Variants in TPO observed in about 807,000 individuals in gnomAD.
TPO encodes thyroid microsomal antigen.
Under a neutral mutation model 96.9 loss-of-function variants are expected in TPO, and 78 were observed. The ratio of observed to expected loss-of-function variants is 0.81; its 90% CI spans 0.67 to 0.97. The LOEUF is 0.97. Ranked by LOEUF, TPO falls within the 50% of genes least tolerant of loss-of-function variation. The probability of loss-of-function intolerance (pLI) is 0.00; values close to 1 mark genes in which losing one functional copy is unlikely to be tolerated. For missense variants in TPO, 1,252 were observed against 1,274.8 expected (o/e 0.98, Z 0.27); for synonymous variants, 547 against 538.0 (o/e 1.02, Z -0.23).
chr2:1,391,494 G>A (rs538992087), intron 1 of TPO, among the ~76,000 whole-genome samples: 2 of 152,276 alleles, frequency 1.3e-5, no homozygotes, highest in Admixed American at 1.3e-4. Context: ...TTTTGGCAAT[G>A]TGGGCTCTTT....
At chr2:1,399,551 C>T (rs551266886) in intron 1 of TPO, among the ~76,000 whole-genome samples, 11 of 152,276 alleles carry the variant, frequency 7.2e-5, no homozygotes, top group African/African-American at 2.6e-4. Flanking sequence ...GATTTAAAAC[C>T]GATGAGTTGT....
chr2:1,499,712 A>G (rs915192402), intron 13 of TPO, among the ~76,000 whole-genome samples: 2 of 152,176 alleles, frequency 1.3e-5, no homozygotes, highest in Non-Finnish European at 2.9e-5. Context: ...GACTGTGTAT[A>G]TGAAGGTCTG....
intron 8 of TPO, among the ~76,000 whole-genome samples, chr2:1,482,856 AT>A (rs940250158): frequency 1.3e-5 from 2 of 152,008 alleles, no homozygotes; most frequent in African/African-American, 2.4e-5. Context: ...AATTTTTTAA[AT>A]TTTTTTGTAG....
rs1667526239 is a variant in TPO, at chr2:1,453,714, C to A, written c.503C>A (p.Ala168Asp). Reference sequence around the variant, plus strand: ...CACAGAGACCACCCCAGATGGGGCGCCTCCAACACGGCCCTGGCACGATGG... The same window carrying A: ...CACAGAGACCACCCCAGATGGGGCGACTCCAACACGGCCCTGGCACGATGG... ...CNNRDHPRWG[A>D]SNTALARWLP... Residue 168 changes from alanine (A) to aspartate (D), a missense_variant, in exon 6 of 17, where the codon GCC (alanine) becomes GAC (aspartate). Ala to Asp is a moderately radical substitution (Grantham distance 126). Transcript: ENST00000329066. 6.2e-7 allele frequency: 1 copy of A among 1,613,886 alleles called. No homozygotes were observed. Among genetic ancestry groups the A allele is most frequent in the Admixed American group, 1.7e-5 (1 of 60,006 alleles).
chr2:1,525,332 CCTCA>C (rs1305280000), intron 15 of TPO, among the ~76,000 whole-genome samples: 6 of 131,164 alleles, frequency 4.6e-5, no homozygotes, highest in Admixed American at 7.8e-5. Context: ...CCTCAAATCC[CCTCA>C]CTATGTGCAA....
At chr2:1,393,760 A>G (rs1378167295) in intron 1 of TPO, among the ~76,000 whole-genome samples, 1 of 152,254 alleles carries the variant, frequency 6.6e-6, no homozygotes, top group Non-Finnish European at 1.5e-5. Flanking sequence ...ATGCGTGATT[A>G]TTGGAGTACA....
Position 1,542,339 on chromosome 2 carries a change from C to T in TPO, c.2749-82C>T, listed in dbSNP as rs953252216. 14 of 1,574,232 alleles carry T rather than the reference C, an allele frequency of 8.9e-6. No individual in the cohort carries two copies. The South Asian group carries it at 1.5e-4, about 17-fold the overall frequency. ...TGTGAAAAGAGCTCCTGTCCAGGCC[C>T]TTCTGTCTTGTATCAAGTGTGTGCT... On this transcript the variant is annotated intron_variant, in intron 16 of 16. Coordinates refer to ENST00000329066, the MANE Select transcript of TPO (RefSeq NM_001206744.2).
intron 15 of TPO, among the ~76,000 whole-genome samples, chr2:1,522,403 A>C (rs1573527811): frequency 1.4e-5 from 1 of 71,444 alleles, no homozygotes; most frequent in Admixed American, 1.6e-4. Flanking sequence ...TCTACCCCAC[A>C]CCTGCCTGCC....
intron 7 of TPO, among the ~76,000 whole-genome samples, chr2:1,458,247 T>C (rs1473716668): frequency 6.6e-6 from 1 of 151,574 alleles, no homozygotes; most frequent in Non-Finnish European, 1.5e-5. Flanking sequence ...GTATATAGGA[T>C]ATAAGATAGT....
intron 7 of TPO, among the ~76,000 whole-genome samples, chr2:1,473,441 A>T (rs987308548): frequency 6.6e-6 from 1 of 152,160 alleles, no homozygotes; most frequent in East Asian, 1.9e-4. Context: ...GGACTTGGTC[A>T]TAGCGGCCTT....
intron 14 of TPO, among the ~76,000 whole-genome samples, chr2:1,506,607 T>A (rs557759892): frequency 6.6e-6 from 1 of 152,338 alleles, no homozygotes; most frequent in South Asian, 2.1e-4. Flanking sequence ...CTCATTGTGG[T>A]TTTGATTTGC....
chr2:1,445,427 G>T (rs1164807683), intron 5 of TPO, among the ~76,000 whole-genome samples: 4 of 109,740 alleles, frequency 3.6e-5, no homozygotes, highest in Non-Finnish European at 7.6e-5. Flanking sequence ...CCTGTTGGAA[G>T]GTAATGGGCA....
At chr2:1,414,759 A>G (rs1662715983) in intron 2 of TPO, among the ~76,000 whole-genome samples, 1 of 151,758 alleles carries the variant, frequency 6.6e-6, no homozygotes, top group African/African-American at 2.4e-5. Flanking sequence ...CATATAACTG[A>G]AAAAAAAATT....
chr2:1,496,543 G>A, intron 12 of TPO, 52 bp from the exon 13 acceptor site: 1 of 1,610,976 alleles, frequency 6.2e-7, no homozygotes, highest in South Asian at 1.1e-5. Flanking sequence ...GTTGGTGTGT[G>A]GTTTTCTTTT....
chr2:1,376,330 C>A (rs894885648), intron 1 of TPO, among the ~76,000 whole-genome samples: 1 of 151,924 alleles, frequency 6.6e-6, no homozygotes, highest in Non-Finnish European at 1.5e-5. Context: ...AGACATTTTG[C>A]TCTTTTAAAC....
intron 12 of TPO, among the ~76,000 whole-genome samples, 182 bp from the exon 13 acceptor site, chr2:1,496,413 C>A (rs534411462): frequency 6.6e-6 from 1 of 152,144 alleles, no homozygotes; most frequent in African/African-American, 2.4e-5. Flanking sequence ...AGGGAGCCCG[C>A]GGGGCCCGAT....
chr2:1,494,814 G>T (rs1375880154), intron 11 of TPO, among the ~76,000 whole-genome samples: 2 of 152,176 alleles, frequency 1.3e-5, no homozygotes, highest in African/African-American at 2.4e-5. Context: ...TTGTTGTAAA[G>T]GATCTGTGTT....
At chr2:1,463,985 T>C (rs1668672091) in intron 7 of TPO, among the ~76,000 whole-genome samples, 1 of 152,086 alleles carries the variant, frequency 6.6e-6, no homozygotes, top group African/African-American at 2.4e-5. Flanking sequence ...GAGATTTCGG[T>C]GCACCCATCA....
At chr2:1,538,011 TACTGTGTGCCACCTCAAGTCCCCCC>T (rs1487478855) in intron 15 of TPO, among the ~76,000 whole-genome samples, 2 of 65,634 alleles carry the variant, frequency 3.0e-5, no homozygotes, top group East Asian at 4.9e-4. Flanking sequence ...CAAATCCCTC[TACTGTGTGCCACCTCAAGTCCCCCC>T]ACTGTGTGCA....
Sources: allele counts gnomAD v4.1 joint callset (sites outside exome capture counted in the v4.1 genomes callset), GRCh38; gene constraint gnomAD v4.1.1; transcripts MANE v1.5; gene names NCBI Gene and HGNC (gene_info 2026-07-23, HGNC 2026-07-21).